The following SEZ6L2 variants were observed in gnomAD, a reference collection of about 807,000 sequenced individuals.
SEZ6L2 encodes seizure 6-like protein 2.
A neutral mutation model predicts 97.0 loss-of-function variants in SEZ6L2; 44 were observed. That is an observed-to-expected ratio of 0.45 (90% CI 0.36 to 0.58). The LOEUF (loss-of-function observed/expected upper bound fraction) is 0.58. SEZ6L2 is among the 20% of genes least tolerant of loss of function. The probability of loss-of-function intolerance (pLI) is 0.00; values close to 1 mark genes in which losing one functional copy is unlikely to be tolerated. For synonymous variants in SEZ6L2, 543 were observed against 546.1 expected (o/e 0.99, Z 0.08); for missense variants, 1,086 against 1,233.3 (o/e 0.88, Z 1.79).
At chr16:29,890,743 C>CTTTTTTTTTTT (rs71143763) in intron 5 of SEZ6L2, among the ~76,000 whole-genome samples, 1 of 74,358 alleles carries the variant, frequency 1.3e-5, no homozygotes, top group African/African-American at 6.0e-5. Context: ...TAACCATTGT[C>CTTTTTTTTTTT]TTTTTTTTTT....
rs578226448 is a variant in SEZ6L2, at chr16:29,891,945, G to T, written c.854-3220C>A. 2.6e-5 allele frequency among the ~76,000 whole-genome samples: 4 copies of T among 152,308 alleles called. No homozygotes were observed. In the South Asian group the frequency reaches 8.3e-4, roughly 32 times the overall value. On this transcript the variant is annotated intron_variant, in intron 5 of 17. Coordinates refer to ENST00000617533, the MANE Select transcript of SEZ6L2 (RefSeq NM_001243332.2). ...CACCCACCCCTCAGCCTCAATTAAT[G>T]AATGACTGGGAGCCAGGGACTCGGG...
Position 29,876,774 on chromosome 16 carries a change from G to A in SEZ6L2, c.2086C>T (p.Pro696Ser). The A allele has an allele frequency of 6.4e-7, 1 of 1,554,982 alleles. No individual in the cohort carries two copies. The highest frequency in any genetic ancestry group is 8.7e-7 in the Non-Finnish European group (1 of 1,149,010). ...CQWDLSWSAA[P>S]PACQKIMTCA... ...GGCTCACTCTTTTGGCAGGCGGGCG[G>A]CGCGGCGCTCCAAGACAGGTCCCAC... Residue 696 changes from proline (P) to serine (S), a missense_variant, in exon 12 of 18, where the codon CCG (proline) becomes TCG (serine). Pro to Ser is a moderately conservative substitution (Grantham distance 74). Coordinates refer to ENST00000617533, the MANE Select transcript of SEZ6L2 (RefSeq NM_001243332.2). The surrounding 1 kb of genome is among the most constrained non-coding windows in gnomAD (Gnocchi z 6.5).
chr16:29,877,189 C>A (rs2067923727), intron 11 of SEZ6L2, 82 bp downstream of exon 11: 1 of 1,400,298 alleles, frequency 7.1e-7, no homozygotes, highest in East Asian at 2.5e-5. Flanking sequence ...GGATAACAGG[C>A]GTGAGCCACC....
At position 29,873,585 on chromosome 16, in the gene SEZ6L2, C is replaced by T. The variant is rs1041012336; in HGVS notation, c.2249G>A (p.Arg750Gln). 4.3e-6 allele frequency: 7 copies of T among 1,614,146 alleles called. No individual in the cohort carries two copies. Among genetic ancestry groups the T allele is most frequent in the South Asian group, 1.1e-5 (1 of 91,080 alleles). ...EGAAMLTCYS[R>Q]DTGTPKWSDR... ...GCTCCACTTGGGTGTGCCTGTGTCCCGGCTGTAGCAGGTGAGCATGGCTGC... is the reference window on the plus strand; with the variant it reads ...GCTCCACTTGGGTGTGCCTGTGTCCTGGCTGTAGCAGGTGAGCATGGCTGC... The change falls in exon 13 of 18, where the codon CGG becomes CAG. Residue 750 changes from arginine to glutamine, a missense_variant. Arg to Gln is a conservative substitution (Grantham distance 43). Around this residue, in one of 2 missense-constraint regions of SEZ6L2, gnomAD observed 310 missense variants for 438.6 expected, o/e 0.71. Coordinates refer to ENST00000617533, the MANE Select transcript of SEZ6L2 (RefSeq NM_001243332.2). This position sits in a 1 kb window ranked among gnomAD's most constrained non-coding sequence, Gnocchi z 4.3.
intron 5 of SEZ6L2, among the ~76,000 whole-genome samples, chr16:29,890,944 A>C (rs2068259590): frequency 2.7e-5 from 4 of 147,234 alleles, no homozygotes; most frequent in African/African-American, 7.5e-5. Context: ...TATTTATTTT[A>C]TTATTATTAT....
chr16:29,885,870 C>G lies in SEZ6L2; in HGVS notation c.1209-121G>C, dbSNP rs933561082. The stretch of plus-strand genomic sequence containing the variant: ...ATCACACATAACTATATGCCACGCA[C>G]TCTTCTAAGCCCTTACACATTCTAT... On this transcript the variant is annotated intron_variant, in intron 7 of 17. Transcript: ENST00000617533. 11 of 907,822 alleles carry G rather than the reference C, an allele frequency of 1.2e-5. No individual in the cohort carries two copies. In the African/African-American group the frequency reaches 1.8e-4, roughly 15 times the overall value. The allele number at this position is 907,822 out of a possible 1,614,324, so 56.2% of individuals were successfully genotyped here.
At chr16:29,885,412 A>G (rs2068115782) in intron 8 of SEZ6L2, among the ~76,000 whole-genome samples, 174 bp downstream of exon 8, 1 of 152,042 alleles carries the variant, frequency 6.6e-6, no homozygotes, top group African/African-American at 2.4e-5. Context: ...TGGGGGAAGG[A>G]GAAGGGGTCC....
intron 4 of SEZ6L2, 67 bp downstream of exon 4, chr16:29,895,654 C>T (rs544265190): frequency 4.9e-5 from 76 of 1,543,820 alleles, no homozygotes; most frequent in South Asian, 4.9e-4. Context: ...AGGCCAAACC[C>T]GTGCACACCC....
chr16:29,888,535 C>T lies in SEZ6L2; in HGVS notation c.1039+5G>A. 1.2e-6 allele frequency: 2 copies of T among 1,612,590 alleles called. No individual in the cohort carries two copies. The highest frequency in any genetic ancestry group is 1.7e-6 in the Non-Finnish European group (2 of 1,179,074). ...ATGCCCCACCCACTGTGGCAGGAGACTCACCCATGCAGCTGGGGGTTTCAC... is the reference window on the plus strand; with the variant it reads ...ATGCCCCACCCACTGTGGCAGGAGATTCACCCATGCAGCTGGGGGTTTCAC... On this transcript the variant is annotated splice_donor_5th_base_variant and intron_variant, in intron 6 of 17. Transcript: ENST00000617533.
chr16:29,872,497 G>C lies in SEZ6L2; in HGVS notation c.2557C>G (p.Leu853Val), dbSNP rs148860957. The change falls in exon 16 of 18, where the codon CTG becomes GTG. Residue 853 changes from leucine to valine, a missense_variant. Transcript: ENST00000617533. ...VTQTTDPSRQ[L>V]EGGNLALAIL... The stretch of plus-strand genomic sequence containing the variant: ...GCCAGGGCCAGGTTCCCCCCTTCCA[G>C]CTGCCGTGATGGATCTGTGGTCTGG... The C allele has an allele frequency of 8.4e-5, 136 of 1,614,086 alleles. No individual in the cohort carries two copies. The highest frequency in any genetic ancestry group is 1.1e-4 in the Non-Finnish European group (127 of 1,180,044).
At chr16:29,882,984 G>C (rs944129961) in intron 8 of SEZ6L2, among the ~76,000 whole-genome samples, 3 of 152,180 alleles carry the variant, frequency 2.0e-5, no homozygotes, top group African/African-American at 7.2e-5. Context: ...TAAAAGATCT[G>C]TGCTGTTTGC....
intron 15 of SEZ6L2, 38 bp downstream of exon 15, chr16:29,872,667 C>A (rs376962036): frequency 1.2e-6 from 2 of 1,610,186 alleles, no homozygotes; most frequent in Non-Finnish European, 1.7e-6. Context: ...GCCCTCCCAA[C>A]CTGGCCAGCC....
intron 5 of SEZ6L2, among the ~76,000 whole-genome samples, chr16:29,891,362 C>T (rs1003823290): frequency 5.3e-5 from 8 of 152,052 alleles, no homozygotes; most frequent in Non-Finnish European, 2.9e-5. Context: ...CCATACCTGG[C>T]CTAACCACTG....
chr16:29,872,803 G>A, intron 14 of SEZ6L2, 60 bp from the exon 15 acceptor site: 1 of 1,400,534 alleles, frequency 7.1e-7, no homozygotes, highest in Non-Finnish European at 9.9e-7. Context: ...GAGGCTGGGA[G>A]GGGCCGGGAG....
chr16:29,871,884 T>C (rs562730338), intron 17 of SEZ6L2, among the ~76,000 whole-genome samples, 156 bp from the exon 18 acceptor site: 17 of 152,238 alleles, frequency 1.1e-4, no homozygotes, highest in African/African-American at 4.1e-4. Context: ...TACGGTGTCG[T>C]AAAATGACAC....
rs997347335 is a variant in SEZ6L2 at position 29,876,385 on chromosome 16, G to A, written c.2104+371C>T. On this transcript the variant is annotated intron_variant, in intron 12 of 17. Coordinates refer to ENST00000617533, the MANE Select transcript of SEZ6L2 (RefSeq NM_001243332.2). The surrounding 1 kb of genome is among the most constrained non-coding windows in gnomAD (Gnocchi z 6.5). ...GGACAGGAAGGTGGAGCCAAGTGTG[G>A]ACCCGGGGAGCCCAGTGGGAACCTG... Among the ~76,000 whole-genome samples, 3 of 151,868 alleles carry A rather than the reference G, an allele frequency of 2.0e-5. No homozygotes were observed. The highest frequency in any genetic ancestry group is 2.9e-5 in the Non-Finnish European group (2 of 67,970).
Position 29,896,995 on chromosome 16 carries a change from C to G in SEZ6L2, c.338G>C (p.Arg113Thr), listed in dbSNP as rs367921747. 273 of 1,588,664 alleles carry G rather than the reference C, an allele frequency of 1.7e-4. 1 individual carries two copies. The highest frequency in any genetic ancestry group is 9.9e-4 in the South Asian group (88 of 88,694). Residue 113 changes from arginine (R) to threonine (T), a missense_variant, in exon 3 of 18, where the codon AGG becomes ACG. Coordinates refer to ENST00000617533, the MANE Select transcript of SEZ6L2 (RefSeq NM_001243332.2). ...TTCTGGCGCAGTGGGGCCTGCCCCC[C>G]TGACCCCGTTAGGGGTGACGGCTGT... ...LTTAVTPNGV[R>T]GAGPTAPELL...
chr16:29,897,796 T>C (rs2068437362), intron 2 of SEZ6L2, 57 bp downstream of exon 2: 21 of 1,536,020 alleles, frequency 1.4e-5, no homozygotes, highest in Non-Finnish European at 1.8e-5. Context: ...CCCATCTCCC[T>C]GAGCCCATAT....
At chr16:29,886,863 G>A (rs552540590) in intron 7 of SEZ6L2, among the ~76,000 whole-genome samples, 1 of 152,148 alleles carries the variant, frequency 6.6e-6, no homozygotes, top group South Asian at 2.1e-4. Flanking sequence ...TTTGTCTAAG[G>A]TTTCACAGCT....
Sources: gnomAD v4.1 joint callset for allele counts (sites outside exome capture counted in the v4.1 genomes callset) on GRCh38, gnomAD v4.1.1 for gene constraint, gnomAD v4.1.1 regional missense constraint, Gnocchi (gnomAD v3.1) non-coding constraint, MANE v1.5 for transcripts, NCBI Gene and HGNC (gene_info 2026-07-23, HGNC 2026-07-21) for gene names.